Variants in GRIA4 observed in about 807,000 individuals in gnomAD.
The protein encoded by GRIA4 is glutamate ionotropic receptor AMPA type subunit 4, also known as glutamate receptor 4.
In GRIA4, 34 loss-of-function variants were observed where a neutral mutation model predicts 104.0. That is an observed-to-expected ratio of 0.33 (90% CI 0.25 to 0.44). The LOEUF is 0.44. Ranked by LOEUF, GRIA4 falls within the 20% of genes least tolerant of loss-of-function variation. The probability of loss-of-function intolerance (pLI) is 1.00; values close to 1 mark genes in which losing one functional copy is unlikely to be tolerated. For synonymous variants in GRIA4, 386 were observed against 381.9 expected (o/e 1.01, Z -0.13); for missense variants, 750 against 1,096.5 (o/e 0.68, Z 4.46).
chr11:105,809,879 T>A (rs1394048186), intron 4 of GRIA4, among the ~76,000 whole-genome samples: 1 of 152,066 alleles, frequency 6.6e-6, no homozygotes, highest in Admixed American at 6.6e-5. Context: ...CCATTACCCA[T>A]CCCCTCTTTA....
At chr11:105,923,540 T>C (rs568651113) in intron 11 of GRIA4, among the ~76,000 whole-genome samples, 2 of 152,114 alleles carry the variant, frequency 1.3e-5, no homozygotes, top group South Asian at 4.1e-4. Context: ...ACAGAATCCC[T>C]CAATAAATGC....
chr11:105,693,400 A>T (rs1168469008), intron 3 of GRIA4, among the ~76,000 whole-genome samples: 2 of 152,178 alleles, frequency 1.3e-5, no homozygotes, highest in African/African-American at 4.8e-5. Context: ...AATCTCTAGC[A>T]GTGGTTTCGA....
chr11:105,854,855 T>C (rs1193118422), intron 4 of GRIA4, among the ~76,000 whole-genome samples: 3 of 152,154 alleles, frequency 2.0e-5, no homozygotes, highest in Admixed American at 2.0e-4. Flanking sequence ...ATGGAAGACT[T>C]GAGTTCATTC....
intron 5 of GRIA4, among the ~76,000 whole-genome samples, chr11:105,866,150 C>T (rs558536791): frequency 2.6e-5 from 4 of 152,158 alleles, no homozygotes; most frequent in Admixed American, 6.5e-5. Context: ...ATTTTTAAAA[C>T]GTAAATGGAA....
chr11:105,916,555 C>G (rs1401477322), intron 10 of GRIA4, among the ~76,000 whole-genome samples: 1 of 152,186 alleles, frequency 6.6e-6, no homozygotes, highest in African/African-American at 2.4e-5. Flanking sequence ...CCCTATCACC[C>G]AGCAAACTGA....
intron 4 of GRIA4, among the ~76,000 whole-genome samples, chr11:105,827,122 A>G (rs773589014): frequency 3.3e-5 from 5 of 152,002 alleles, no homozygotes; most frequent in Non-Finnish European, 7.4e-5. Flanking sequence ...TGGATCTCAG[A>G]CTTTACACTA....
chr11:105,728,662 G>A (rs189555846), intron 3 of GRIA4, among the ~76,000 whole-genome samples: 9 of 152,104 alleles, frequency 5.9e-5, no homozygotes, highest in African/African-American at 1.9e-4. Flanking sequence ...GTCTCAGACT[G>A]CAGTGCAATC....
chr11:105,690,311 G>A (rs931397740), intron 3 of GRIA4, among the ~76,000 whole-genome samples: 5 of 151,976 alleles, frequency 3.3e-5, no homozygotes, highest in Non-Finnish European at 5.9e-5. Context: ...TCCTTAACCC[G>A]GCTCAAATTC....
At chr11:105,876,441 A>G (rs1945824486) in intron 5 of GRIA4, among the ~76,000 whole-genome samples, 1 of 152,208 alleles carries the variant, frequency 6.6e-6, no homozygotes, top group African/African-American at 2.4e-5. Flanking sequence ...CACTTGATCC[A>G]GAGCTGAGTT....
intron 14 of GRIA4, among the ~76,000 whole-genome samples, chr11:105,954,966 A>G (rs1318594852): frequency 3.3e-5 from 5 of 149,914 alleles, no homozygotes; most frequent in African/African-American, 1.2e-4. Flanking sequence ...AATGCTATAT[A>G]TATAATGTTA....
chr11:105,668,910 C>T (rs1431583047), intron 3 of GRIA4, among the ~76,000 whole-genome samples: 3 of 151,878 alleles, frequency 2.0e-5, no homozygotes, highest in East Asian at 3.9e-4. Flanking sequence ...TTAATATTGA[C>T]GACTTTCCTG....
At chr11:105,789,829 G>T (rs1044016598) in intron 4 of GRIA4, among the ~76,000 whole-genome samples, 3 of 152,096 alleles carry the variant, frequency 2.0e-5, no homozygotes, top group Non-Finnish European at 4.4e-5. Context: ...ATTGCTCAGG[G>T]TGACTTTACT....
chr11:105,877,460 G>C (rs1485263884), intron 5 of GRIA4, among the ~76,000 whole-genome samples: 1 of 152,140 alleles, frequency 6.6e-6, no homozygotes, highest in Non-Finnish European at 1.5e-5. Flanking sequence ...GGCCTATCTT[G>C]CTAGGTTGAG....
chr11:105,693,303 T>C (rs1389464162), intron 3 of GRIA4, among the ~76,000 whole-genome samples: 1 of 152,230 alleles, frequency 6.6e-6, no homozygotes, highest in Non-Finnish European at 1.5e-5. Context: ...TGCAGTTTTA[T>C]CAGCAAACTG....
chr11:105,754,285 C>G (rs1334999234), intron 4 of GRIA4, among the ~76,000 whole-genome samples: 1 of 152,108 alleles, frequency 6.6e-6, no homozygotes, highest in African/African-American at 2.4e-5. Context: ...ATAATAACTA[C>G]TTTTTAAAAA....
intron 3 of GRIA4, among the ~76,000 whole-genome samples, chr11:105,723,952 T>G (rs2135584316): frequency 6.6e-6 from 1 of 152,150 alleles, no homozygotes; most frequent in South Asian, 2.1e-4. Flanking sequence ...CAAGTTAAAA[T>G]TGCAGTGAAA....
At chr11:105,886,866 T>G (rs1470250950) in intron 5 of GRIA4, among the ~76,000 whole-genome samples, 6 of 151,860 alleles carry the variant, frequency 4.0e-5, no homozygotes, top group Non-Finnish European at 8.8e-5. Flanking sequence ...AAAAAAGATG[T>G]TTGAGTTTCT....
At chr11:105,711,816 G>C (rs770591438) in intron 3 of GRIA4, among the ~76,000 whole-genome samples, 1 of 152,070 alleles carries the variant, frequency 6.6e-6, no homozygotes, top group South Asian at 2.1e-4. Flanking sequence ...TAGGCCTTGA[G>C]GCTCAATTCC....
At chr11:105,617,456 C>T (rs192738426) in intron 3 of GRIA4, among the ~76,000 whole-genome samples, 1 of 151,762 alleles carries the variant, frequency 6.6e-6, no homozygotes, top group Non-Finnish European at 1.5e-5. Flanking sequence ...TACCTACTAT[C>T]CTAGTGCTTT....
Sources: gnomAD v4.1 joint callset for allele counts (sites outside exome capture counted in the v4.1 genomes callset) on GRCh38, gnomAD v4.1.1 for gene constraint, MANE v1.5 for transcripts, NCBI Gene and HGNC (gene_info 2026-07-23, HGNC 2026-07-21) for gene names.